The following COL28A1 variants were observed in gnomAD, a reference collection of about 807,000 sequenced individuals.
The protein encoded by COL28A1 is collagen type XXVIII alpha 1 chain.
COL28A1 carries 161 observed loss-of-function variants against 150.2 expected under a neutral mutation model. The observed-to-expected ratio is 1.07, with a 90% confidence interval of 0.94 to 1.22. COL28A1 has a LOEUF of 1.22. Among genes scored for constraint, COL28A1 ranks in the 50% most tolerant of loss-of-function variants. COL28A1 has a pLI of 0.00. For synonymous variants in COL28A1, 552 were observed against 469.7 expected (o/e 1.18, Z -2.26); for missense variants, 1,617 against 1,388.3 (o/e 1.16, Z -2.62).
At position 7,438,918 on chromosome 7, in the gene COL28A1, T is replaced by A. The variant is rs185410185; in HGVS notation, c.1723-1456A>T. ...AACTAAATATCTTCCATTTTGCCTCTTGGGCCACAGGACCTAAAATATTTA... is the reference window on the plus strand; with the variant it reads ...AACTAAATATCTTCCATTTTGCCTCATGGGCCACAGGACCTAAAATATTTA... On this transcript the variant is annotated intron_variant, in intron 21 of 34. Coordinates refer to ENST00000399429, the MANE Select transcript of COL28A1 (RefSeq NM_001037763.3). Among the ~76,000 whole-genome samples the A allele has an allele frequency of 9.2e-5, 14 of 152,314 alleles. No individual in the cohort carries two copies. The East Asian group carries it at 2.7e-3, about 29-fold the overall frequency.
chr7:7,492,512 G>T (rs557026950), intron 11 of COL28A1, among the ~76,000 whole-genome samples: 1 of 151,194 alleles, frequency 6.6e-6, no homozygotes, highest in East Asian at 1.9e-4. Context: ...TTGAACCTGG[G>T]AGGTAGAGGT....
At chr7:7,528,726 A>G (rs1200712652) in intron 3 of COL28A1, among the ~76,000 whole-genome samples, 1 of 152,198 alleles carries the variant, frequency 6.6e-6, no homozygotes, top group Non-Finnish European at 1.5e-5. Context: ...TCAGTAGCTC[A>G]GGAGCAAATG....
At chr7:7,541,192 T>G in the COL28A1 span, among the ~76,000 whole-genome samples, 1 of 152,162 alleles carries the variant, frequency 6.6e-6, no homozygotes, top group Non-Finnish European at 1.5e-5. Flanking sequence ...TTTTTTTCAT[T>G]GCATCTAAAT....
At chr7:7,354,466 G>A (rs575994509), downstream of COL28A1, among the ~76,000 whole-genome samples, 97 of 151,858 alleles carry the variant, frequency 6.4e-4, no homozygotes, top group African/African-American at 2.3e-3. Context: ...TACAGAGTAG[G>A]GTGTCCTCAA....
chr7:7,397,982 A>G (rs893566044), intron 27 of COL28A1, among the ~76,000 whole-genome samples: 2 of 152,206 alleles, frequency 1.3e-5, no homozygotes, highest in Non-Finnish European at 2.9e-5. Flanking sequence ...ATTTCATGCA[A>G]AATGCTTTAA....
Position 7,373,002 on chromosome 7 carries a change from C to T in COL28A1, c.2904G>A (p.Leu968=), listed in dbSNP as rs1029380094. The T allele has an allele frequency of 6.2e-6, 10 of 1,611,954 alleles. No homozygotes were observed. The highest frequency in any genetic ancestry group is 5.0e-5 in the Admixed American group (3 of 59,930). Residue 968 remains leucine (L), a synonymous_variant, in exon 32 of 35, where the codon CTG becomes CTA. Coordinates refer to ENST00000399429, the MANE Select transcript of COL28A1 (RefSeq NM_001037763.3). The surrounding 1 kb of genome is among the most constrained non-coding windows in gnomAD (Gnocchi z 4.1). ...HVYQFDDFFT[L]QDTLKQKLFQ... ...GGGCCAGATAGCCTTCCTTACCTTG[C>T]AGGGTAAAGAAATCATCAAACTGGT...
intron 15 of COL28A1, among the ~76,000 whole-genome samples, chr7:7,471,093 C>A (rs1361480716): frequency 7.8e-6 from 1 of 128,626 alleles, no homozygotes; most frequent in African/African-American, 3.0e-5. Flanking sequence ...CACATGTACC[C>A]TAAAACTTAG....
chr7:7,458,304 T>A (rs1031455617), intron 15 of COL28A1, among the ~76,000 whole-genome samples: 1 of 151,922 alleles, frequency 6.6e-6, no homozygotes, highest in Non-Finnish European at 1.5e-5. Flanking sequence ...TAATCCCAGC[T>A]ACTCAGGAGG....
chr7:7,353,991 T>G (rs529113125), downstream of COL28A1, among the ~76,000 whole-genome samples: 2 of 151,946 alleles, frequency 1.3e-5, no homozygotes, highest in African/African-American at 4.8e-5. Context: ...CCCATTTTCA[T>G]GCGGAGGACA....
At chr7:7,483,257 G>A (rs1313769453) in intron 13 of COL28A1, among the ~76,000 whole-genome samples, 2 of 152,152 alleles carry the variant, frequency 1.3e-5, no homozygotes, top group Non-Finnish European at 2.9e-5. Context: ...CATCTTCGGT[G>A]TTACCAACAC....
rs548855186 is a variant in COL28A1 at position 7,435,478 on chromosome 7, T to G, written c.1860+917A>C. On this transcript the variant is annotated intron_variant, in intron 23 of 34. Transcript: ENST00000399429. ...TTCCCAGTTTTAGCCCGGAAAGTCA[T>G]GCGTTCCAGGAACCCCTTCAATCCC... Among the ~76,000 whole-genome samples the G allele has an allele frequency of 1.0e-3, 156 of 152,276 alleles. 1 individual carries two copies. The highest frequency in any genetic ancestry group is 1.8e-3 in the Non-Finnish European group (124 of 68,018).
At chr7:7,440,235 T>A (rs1472490464) in intron 21 of COL28A1, among the ~76,000 whole-genome samples, 1 of 152,234 alleles carries the variant, frequency 6.6e-6, no homozygotes, top group Non-Finnish European at 1.5e-5. Flanking sequence ...CTCTGAATAA[T>A]TCGATGTATT....
At chr7:7,543,009 G>C in the COL28A1 span, among the ~76,000 whole-genome samples, 1 of 152,140 alleles carries the variant, frequency 6.6e-6, no homozygotes, top group Non-Finnish European at 1.5e-5. Context: ...GGGGAAAAAA[G>C]TGTATTGTAC....
intron 11 of COL28A1, among the ~76,000 whole-genome samples, chr7:7,499,263 A>C (rs1201915463): frequency 6.6e-6 from 1 of 152,170 alleles, no homozygotes; most frequent in Non-Finnish European, 1.5e-5. Flanking sequence ...ATGAGTCTTC[A>C]TTTAACAGTT....
chr7:7,473,409 T>G (rs903947999), intron 15 of COL28A1, among the ~76,000 whole-genome samples: 10 of 152,024 alleles, frequency 6.6e-5, no homozygotes, highest in Admixed American at 6.6e-4. Context: ...CGAGAAGATA[T>G]ACAAATGGCC....
intron 9 of COL28A1, among the ~76,000 whole-genome samples, chr7:7,509,911 A>G (rs1781030808): frequency 6.6e-6 from 1 of 152,186 alleles, no homozygotes; most frequent in African/African-American, 2.4e-5. Flanking sequence ...ATAATTACCA[A>G]GCCTACCTTT....
intron 27 of COL28A1, among the ~76,000 whole-genome samples, chr7:7,386,471 T>C (rs1296105): frequency 0.67 from 102,493 of 152,080 alleles, 35,484 homozygotes; most frequent in Non-Finnish European, 0.73. Context: ...TTGCAGGGCA[T>C]CCCGCCAATT....
At chr7:7,504,122 T>C (rs1198014497) in intron 11 of COL28A1, among the ~76,000 whole-genome samples, 5 of 152,226 alleles carry the variant, frequency 3.3e-5, no homozygotes, top group Non-Finnish European at 4.4e-5. Flanking sequence ...TGATGCATTA[T>C]TAAAACTTAA....
intron 15 of COL28A1, among the ~76,000 whole-genome samples, chr7:7,456,459 T>C (rs1194480770): frequency 6.6e-6 from 1 of 152,178 alleles, no homozygotes; most frequent in Non-Finnish European, 1.5e-5. Context: ...ATTCATAGGA[T>C]ATAATAAAAA....
Sources: gnomAD v4.1 joint callset for allele counts (sites outside exome capture counted in the v4.1 genomes callset) on GRCh38, gnomAD v4.1.1 for gene constraint, Gnocchi (gnomAD v3.1) non-coding constraint, MANE v1.5 for transcripts, NCBI Gene and HGNC (gene_info 2026-07-23, HGNC 2026-07-21) for gene names.